HIVEP3: variants seen among roughly 807,000 people sequenced by gnomAD.
HIVEP3 encodes the protein HIVEP zinc finger 3.
Under a neutral mutation model 152.8 loss-of-function variants are expected in HIVEP3, and 49 were observed. The observed-to-expected ratio is 0.32, with a 90% CI of 0.26 to 0.41. HIVEP3 has a LOEUF of 0.41. Among genes scored for constraint, HIVEP3 ranks in the 10% least tolerant of loss-of-function variants. HIVEP3 has a pLI of 1.00. For missense variants in HIVEP3, 2,790 were observed against 3,103.3 expected (o/e 0.90, Z 2.40); for synonymous variants, 1,269 against 1,289.0 (o/e 0.98, Z 0.33).
chr1:41,636,959 C>CAAAAAAAAA (rs56258158), intron 2 of HIVEP3, among the ~76,000 whole-genome samples: 3 of 127,132 alleles, frequency 2.4e-5, no homozygotes, highest in South Asian at 2.5e-4. Context: ...AACTCCATCT[C>CAAAAAAAAA]AAAAAAAAAA....
At position 41,510,713 on chromosome 1, in the gene HIVEP3, TGGGGCGGCC is replaced by T; in HGVS notation, c.6950_6958del (p.Arg2317_Pro2319del). 5 of 1,532,970 alleles carry T rather than the reference TGGGGCGGCC, an allele frequency of 3.3e-6. No homozygotes were observed. Among genetic ancestry groups the T allele is most frequent in the Non-Finnish European group, 4.4e-6 (5 of 1,139,714 alleles). 95.0% of individuals were successfully genotyped at this position (1,532,970 alleles called of 1,614,324 possible). Reference sequence around the variant, plus strand: ...CCAGGACTGCGCTGCCCGGCGTCCCTGGGGCGGCCGGGGCAAGGTGTCGGGTGGGGTGCA... The same window carrying T: ...CCAGGACTGCGCTGCCCGGCGTCCCTGGGGCAAGGTGTCGGGTGGGGTGCA... On this transcript the variant is annotated inframe_deletion, in exon 9 of 9. Coordinates refer to ENST00000372583, the MANE Select transcript of HIVEP3 (RefSeq NM_024503.5).
At chr1:41,762,450 G>C (rs1440909784) in intron 1 of HIVEP3, among the ~76,000 whole-genome samples, 1 of 152,228 alleles carries the variant, frequency 6.6e-6, no homozygotes, top group African/African-American at 2.4e-5. Flanking sequence ...GCCAGCCCTG[G>C]ATCCGCAGGC....
At chr1:41,875,383 A>C (rs1004388108) in intron 1 of HIVEP3, among the ~76,000 whole-genome samples, 1 of 152,242 alleles carries the variant, frequency 6.6e-6, no homozygotes. Context: ...TCTGGCCTGA[A>C]GGGCTGCAAA....
At chr1:41,972,862 T>C (rs1193984762) in intron 1 of HIVEP3, among the ~76,000 whole-genome samples, 1 of 152,198 alleles carries the variant, frequency 6.6e-6, no homozygotes, top group Non-Finnish European at 1.5e-5. Context: ...CTGAGTGGGT[T>C]CTTCCAAAAT....
intron 1 of HIVEP3, among the ~76,000 whole-genome samples, chr1:41,909,984 G>A (rs374421644): frequency 6.6e-6 from 1 of 151,592 alleles, no homozygotes. Flanking sequence ...GCTCATAATG[G>A]GGAAAAAAGC....
chr1:41,560,223 A>G (rs912920595), intron 5 of HIVEP3, among the ~76,000 whole-genome samples: 2 of 152,216 alleles, frequency 1.3e-5, no homozygotes, highest in African/African-American at 4.8e-5. Context: ...ACACAGCACT[A>G]TGATTATTCT....
At chr1:41,971,131 C>A (rs1245723811) in intron 1 of HIVEP3, among the ~76,000 whole-genome samples, 1 of 152,168 alleles carries the variant, frequency 6.6e-6, no homozygotes, top group Non-Finnish European at 1.5e-5. Flanking sequence ...CAGTGGGTCA[C>A]AACACAATGG....
At chr1:41,596,413 T>C (rs12731266) in intron 3 of HIVEP3, among the ~76,000 whole-genome samples, 14,228 of 152,202 alleles carry the variant, frequency 0.093, 723 homozygotes, top group Middle Eastern at 0.18. Flanking sequence ...AAGAGGTTTT[T>C]TGCTAATCCA....
intron 3 of HIVEP3, among the ~76,000 whole-genome samples, chr1:41,616,818 G>A (rs998438517): frequency 6.6e-6 from 1 of 152,104 alleles, no homozygotes; most frequent in Non-Finnish European, 1.5e-5. Flanking sequence ...CTTCCTCATG[G>A]ACAGTCTTTC....
intron 1 of HIVEP3, among the ~76,000 whole-genome samples, chr1:42,011,379 T>C (rs1481116470): frequency 6.6e-6 from 1 of 152,214 alleles, no homozygotes; most frequent in Non-Finnish European, 1.5e-5. Flanking sequence ...AAGTCAAATA[T>C]ATTTTCTCTT....
intron 2 of HIVEP3, among the ~76,000 whole-genome samples, chr1:41,697,860 C>G (rs541532609): frequency 2.0e-5 from 3 of 152,168 alleles, no homozygotes; most frequent in Admixed American, 1.3e-4. Flanking sequence ...GACATAGTAT[C>G]AACCCTGTAG....
intron 3 of HIVEP3, among the ~76,000 whole-genome samples, chr1:41,616,295 G>A (rs936248448): frequency 1.3e-5 from 2 of 152,234 alleles, no homozygotes; most frequent in Admixed American, 1.3e-4. Flanking sequence ...AATGGGCAGT[G>A]CTGTAGAATT....
intron 2 of HIVEP3, among the ~76,000 whole-genome samples, chr1:41,649,838 C>G (rs758422138): frequency 6.6e-6 from 1 of 152,080 alleles, no homozygotes; most frequent in South Asian, 2.1e-4. Flanking sequence ...CATCTGGCAC[C>G]CAATTTGGCA....
intron 5 of HIVEP3, among the ~76,000 whole-genome samples, chr1:41,572,654 A>G (rs1644267987): frequency 6.6e-6 from 1 of 152,264 alleles, no homozygotes; most frequent in African/African-American, 2.4e-5. Context: ...GCACTGATTA[A>G]GTAGATCCTC....
intron 2 of HIVEP3, 54 bp downstream of exon 2, chr1:41,700,844 AAAACACAGCCTAATGGCC>A: frequency 2.9e-6 from 2 of 697,902 alleles, no homozygotes. Context: ...TCCTGGCCTC[AAAACACAGCCTAATGGCC>A]TTTGGGCTGT....
intron 1 of HIVEP3, among the ~76,000 whole-genome samples, chr1:41,914,175 A>G (rs1644837619): frequency 6.6e-6 from 1 of 152,112 alleles, no homozygotes. Context: ...CCAAGCACAT[A>G]TTTCCAACTG....
chr1:41,755,747 G>A (rs1647279714), intron 1 of HIVEP3, among the ~76,000 whole-genome samples: 1 of 152,112 alleles, frequency 6.6e-6, no homozygotes, highest in Non-Finnish European at 1.5e-5. Flanking sequence ...AGCCATTAGG[G>A]AAATACAAAT....
chr1:41,969,173 T>C (rs1279247474), intron 1 of HIVEP3, among the ~76,000 whole-genome samples: 3 of 152,182 alleles, frequency 2.0e-5, no homozygotes, highest in Non-Finnish European at 4.4e-5. Context: ...CCCATTAAAC[T>C]ACCATTGACA....
rs150760468 is a variant in HIVEP3, at chr1:41,533,266, C to G, written c.5208-8356G>C. ...CTCCCCAAGCCTGAGGTAGACCTGC[C>G]GGGCTCTGGGTCCAGCTCCTCCTGC... On this transcript the variant is annotated intron_variant, in intron 5 of 8. Transcript: ENST00000372583. The surrounding 1 kb of genome is among the most constrained non-coding windows in gnomAD (Gnocchi z 4.3). Among the ~76,000 whole-genome samples, 278 of 152,240 alleles carry G rather than the reference C, an allele frequency of 1.8e-3. 7 individuals carry two copies. The highest frequency in any genetic ancestry group is 8.8e-5 in the Non-Finnish European group (6 of 68,008).
Sources: allele counts gnomAD v4.1 joint callset (sites outside exome capture counted in the v4.1 genomes callset), GRCh38; gene constraint gnomAD v4.1.1; non-coding constraint Gnocchi (gnomAD v3.1); transcripts MANE v1.5; gene names NCBI Gene and HGNC (gene_info 2026-07-23, HGNC 2026-07-21).